CFAP20DC: variants seen among roughly 807,000 people sequenced by gnomAD.
CFAP20DC encodes the protein protein CFAP20DC.
In CFAP20DC, 84 loss-of-function variants were observed where a neutral mutation model predicts 101.7. That is an observed-to-expected ratio of 0.83 (90% CI 0.69 to 0.99). The LOEUF is 0.99. Ranked by LOEUF, CFAP20DC falls within the 50% of genes least tolerant of loss-of-function variation. CFAP20DC has a pLI of 0.00. For missense variants in CFAP20DC, 1,007 were observed against 970.3 expected (o/e 1.04, Z -0.50); for synonymous variants, 359 against 351.2 (o/e 1.02, Z -0.25).
In CFAP20DC at chr3:58,795,583, C is replaced by T. The variant is rs950699452; in HGVS notation, c.2237+10812G>A. On this transcript the variant is annotated intron_variant, in intron 15 of 16. Transcript: ENST00000482387. The surrounding 1 kb of genome is among the most constrained non-coding windows in gnomAD (Gnocchi z 4.2). Reference sequence around the variant, plus strand: ...GAGGCTGCAATGAGCCATGATTGTGCCACTGCACTTCAGCCTGGGTGACAG... The same window carrying T: ...GAGGCTGCAATGAGCCATGATTGTGTCACTGCACTTCAGCCTGGGTGACAG... 6.6e-6 allele frequency among the ~76,000 whole-genome samples: 1 copy of T among 152,178 alleles called. No homozygotes were observed. The highest frequency in any genetic ancestry group is 1.5e-5 in the Non-Finnish European group (1 of 68,022).
chr3:59,013,841 T>A (rs1343167616), intron 4 of CFAP20DC, among the ~76,000 whole-genome samples: 1 of 152,176 alleles, frequency 6.6e-6, no homozygotes, highest in Non-Finnish European at 1.5e-5. Context: ...CTTCCTACTG[T>A]TTGAATATAA....
In CFAP20DC at chr3:58,742,531, T is replaced by C; in HGVS notation, c.2374A>G (p.Thr792Ala). The stretch of plus-strand genomic sequence containing the variant: ...TTCAGACAAGGGTCATACAACAAAG[T>C]CAGTACTTCCTCGTCCTCTTCCACA... Reference protein sequence around the residue: ...LSVEEDEEVLTLLYDPCLNCY... With the variant: ...LSVEEDEEVLALLYDPCLNCY... Residue 792 changes from threonine to alanine, a missense_variant, in exon 17 of 17, where the codon ACT (threonine) becomes GCT (alanine). By Grantham distance (58) the Thr-to-Ala change is moderately conservative. Transcript: ENST00000482387. The C allele has an allele frequency of 6.2e-7, 1 of 1,608,814 alleles. No homozygotes were observed. The highest frequency in any genetic ancestry group is 8.5e-7 in the Non-Finnish European group (1 of 1,177,544).
chr3:59,044,576 T>TA (rs966238539), intron 3 of CFAP20DC, among the ~76,000 whole-genome samples: 26 of 148,888 alleles, frequency 1.7e-4, no homozygotes, highest in African/African-American at 2.9e-4. Context: ...GTTTATTTCT[T>TA]AAAAAAAAAA....
At chr3:58,841,549 C>T (rs957569307) in intron 13 of CFAP20DC, among the ~76,000 whole-genome samples, 1 of 152,112 alleles carries the variant, frequency 6.6e-6, no homozygotes, top group African/African-American at 2.4e-5. Context: ...AGAAACAAAA[C>T]TAATTCTTTT....
intron 13 of CFAP20DC, among the ~76,000 whole-genome samples, chr3:58,838,606 C>A (rs1313365283): frequency 6.6e-6 from 1 of 152,040 alleles, no homozygotes; most frequent in African/African-American, 2.4e-5. Flanking sequence ...AAAAAAAGAT[C>A]TTTATATTGA....
At chr3:58,918,222 T>A (rs1426031936) in intron 5 of CFAP20DC, among the ~76,000 whole-genome samples, 1 of 152,174 alleles carries the variant, frequency 6.6e-6, no homozygotes, top group East Asian at 1.9e-4. Context: ...TACAGCCCTC[T>A]AATTGAGGCC....
At chr3:58,759,111 A>C (rs890055638) in intron 15 of CFAP20DC, among the ~76,000 whole-genome samples, 14 of 152,208 alleles carry the variant, frequency 9.2e-5, no homozygotes, top group Admixed American at 9.2e-4. Flanking sequence ...AGGAATCGCC[A>C]CACTGACTTC....
intron 4 of CFAP20DC, among the ~76,000 whole-genome samples, chr3:58,986,275 G>T (rs771806042): frequency 2.0e-5 from 3 of 152,144 alleles, no homozygotes; most frequent in Non-Finnish European, 4.4e-5. Context: ...GTGTTTATTG[G>T]GGGATGAGCT....
At chr3:58,827,610 C>CA (rs1165262852) in intron 14 of CFAP20DC, among the ~76,000 whole-genome samples, 129 of 152,294 alleles carry the variant, frequency 8.5e-4, no homozygotes, top group African/African-American at 2.9e-3. Context: ...GCATGGTAAA[C>CA]TTGAACTCAT....
At chr3:58,736,826 G>A (rs1294785176) in intron 3 of CFAP20DC, among the ~76,000 whole-genome samples, 2 of 152,200 alleles carry the variant, frequency 1.3e-5, no homozygotes, top group Non-Finnish European at 2.9e-5. Context: ...CAGAATTACA[G>A]GTGATTAACT....
rs1030209075 is a variant in CFAP20DC at position 58,932,041 on chromosome 3, T to C, written c.393+5607A>G. Among the ~76,000 whole-genome samples, 31 of 152,122 alleles carry C rather than the reference T, an allele frequency of 2.0e-4. 1 individual carries two copies. Among genetic ancestry groups the C allele is most frequent in the Non-Finnish European group, 2.9e-5 (2 of 68,032 alleles). The stretch of plus-strand genomic sequence containing the variant: ...AAACTTGGAAAAAAATTTAGACGAA[T>C]GTATAACTAGAATAACCAATACAGA... On this transcript the variant is annotated intron_variant, in intron 5 of 16. Transcript: ENST00000482387.
intron 14 of CFAP20DC, among the ~76,000 whole-genome samples, chr3:58,818,236 T>C (rs1261955475): frequency 2.5e-4 from 38 of 150,912 alleles, no homozygotes; most frequent in African/African-American, 8.8e-4. Flanking sequence ...CATCGACTAA[T>C]GAGCAAAATC....
intron 4 of CFAP20DC, among the ~76,000 whole-genome samples, chr3:59,000,401 A>G (rs936759001): frequency 5.9e-5 from 9 of 152,232 alleles, no homozygotes; most frequent in African/African-American, 2.2e-4. Context: ...AGTCGAATCT[A>G]GCTGGAGTCA....
At chr3:59,026,356 G>A (rs2093892523) in intron 4 of CFAP20DC, among the ~76,000 whole-genome samples, 1 of 152,078 alleles carries the variant, frequency 6.6e-6, no homozygotes, top group East Asian at 1.9e-4. Context: ...TATTCCCTTG[G>A]TGACATAAAA....
intron 4 of CFAP20DC, among the ~76,000 whole-genome samples, chr3:59,004,802 T>A (rs2093397252): frequency 6.6e-6 from 1 of 152,182 alleles, no homozygotes; most frequent in African/African-American, 2.4e-5. Context: ...TTCCAATATC[T>A]GGCTAGTCCT....
chr3:59,013,226 T>C (rs1269147785), intron 4 of CFAP20DC, among the ~76,000 whole-genome samples: 1 of 152,150 alleles, frequency 6.6e-6, no homozygotes, highest in Non-Finnish European at 1.5e-5. Flanking sequence ...TTAGCTGGGC[T>C]CTTTGCTGTC....
At chr3:58,896,238 C>T (rs1487017515) in intron 6 of CFAP20DC, among the ~76,000 whole-genome samples, 1 of 151,836 alleles carries the variant, frequency 6.6e-6, no homozygotes, top group Admixed American at 6.6e-5. Context: ...TCAGTGGTTA[C>T]CATTTCTGCT....
At chr3:59,021,178 A>C (rs915037000) in intron 4 of CFAP20DC, among the ~76,000 whole-genome samples, 6 of 152,096 alleles carry the variant, frequency 3.9e-5, no homozygotes, top group African/African-American at 1.2e-4. Flanking sequence ...AGAAACACTA[A>C]AGAACTGTAG....
intron 4 of CFAP20DC, among the ~76,000 whole-genome samples, chr3:58,957,406 A>G (rs1030471934): frequency 6.6e-6 from 1 of 152,186 alleles, no homozygotes; most frequent in Non-Finnish European, 1.5e-5. Context: ...GTTGGTGGGA[A>G]TGTAAATTAG....
Sources: allele counts gnomAD v4.1 joint callset (sites outside exome capture counted in the v4.1 genomes callset), GRCh38; gene constraint gnomAD v4.1.1; non-coding constraint Gnocchi (gnomAD v3.1); transcripts MANE v1.5; gene names NCBI Gene and HGNC (gene_info 2026-07-23, HGNC 2026-07-21).